The following BAZ2B variants were observed in gnomAD, a reference collection of about 807,000 sequenced individuals.
BAZ2B encodes the protein bromodomain adjacent to zinc finger domain protein 2B.
A neutral mutation model predicts 246.0 loss-of-function variants in BAZ2B; 91 were observed. The ratio of observed to expected loss-of-function variants is 0.37; its 90% CI spans 0.31 to 0.44. BAZ2B has a LOEUF of 0.44. BAZ2B is among the 20% of genes least tolerant of loss of function. The probability of loss-of-function intolerance (pLI) is 1.00; values close to 1 mark genes in which losing one functional copy is unlikely to be tolerated. For missense variants in BAZ2B, 2,332 were observed against 2,533.7 expected, an observed-to-expected ratio of 0.92 and a Z score of 1.71; for synonymous variants, 855 against 860.0, an observed-to-expected ratio of 0.99 and a Z score of 0.10.
intron 14 of BAZ2B, among the ~76,000 whole-genome samples, chr2:159,411,410 T>C (rs982125337): frequency 2.0e-5 from 3 of 152,224 alleles, no homozygotes; most frequent in Non-Finnish European, 4.4e-5. Flanking sequence ...TTACAATGAA[T>C]AGAATTAAGT....
intron 2 of BAZ2B, among the ~76,000 whole-genome samples, chr2:159,536,576 A>C (rs1410389359): frequency 1.3e-5 from 2 of 152,172 alleles, no homozygotes; most frequent in African/African-American, 4.8e-5. Flanking sequence ...GATGGTTCTG[A>C]ATTTTTTGCA....
chr2:159,667,597 AAAATAAATAAAT>A, the BAZ2B span, among the ~76,000 whole-genome samples: 315 of 142,438 alleles, frequency 2.2e-3, 2 homozygotes, highest in South Asian at 4.5e-3. Flanking sequence ...CTCTGTCTCA[AAAATAAATAAAT>A]AAATAAATAA....
At chr2:159,557,962 G>A (rs1168698635) in intron 1 of BAZ2B, among the ~76,000 whole-genome samples, 5 of 151,752 alleles carry the variant, frequency 3.3e-5, no homozygotes, top group African/African-American at 9.7e-5. Flanking sequence ...AGCGCGGGTA[G>A]TGAATTAAAG....
intron 36 of BAZ2B, among the ~76,000 whole-genome samples, chr2:159,322,462 T>C (rs936031921): frequency 3.3e-5 from 5 of 152,212 alleles, no homozygotes; most frequent in African/African-American, 9.6e-5. Flanking sequence ...TCTGTCTCTA[T>C]GGATTTATCT....
intron 4 of BAZ2B, among the ~76,000 whole-genome samples, chr2:159,448,730 C>T (rs897112532): frequency 2.0e-5 from 3 of 152,178 alleles, no homozygotes; most frequent in Admixed American, 1.3e-4. Context: ...TCTTTGATGA[C>T]TTATCCCATA....
At chr2:159,491,300 A>C (rs888565261) in intron 2 of BAZ2B, among the ~76,000 whole-genome samples, 3 of 152,198 alleles carry the variant, frequency 2.0e-5, no homozygotes, top group Non-Finnish European at 2.9e-5. Context: ...AGTAATGTGC[A>C]CTTCTGATGT....
chr2:159,645,972 A>G, the BAZ2B span, among the ~76,000 whole-genome samples: 1 of 152,116 alleles, frequency 6.6e-6, no homozygotes, highest in African/African-American at 2.4e-5. Flanking sequence ...TTGCTAATGA[A>G]GTTTCGGGCA....
chr2:159,320,123 T>G lies in BAZ2B; in HGVS notation c.*142A>C. On this transcript the variant is annotated 3_prime_UTR_variant, in exon 37 of 37. Coordinates refer to ENST00000392783, the MANE Select transcript of BAZ2B (RefSeq NM_013450.4). ...AATGAAGCCTTTAAAAATGGTATCATTCTTCTGATACTTTTTTTTTATACT... is the reference window on the plus strand; with the variant it reads ...AATGAAGCCTTTAAAAATGGTATCAGTCTTCTGATACTTTTTTTTTATACT... 1 of 758,642 alleles carries G rather than the reference T, an allele frequency of 1.3e-6. No homozygotes were observed. Among genetic ancestry groups the G allele is most frequent in the South Asian group, 3.8e-5 (1 of 26,062 alleles). 47.0% of individuals were successfully genotyped at this position (758,642 alleles called of 1,614,324 possible). A position where few individuals can be genotyped will look rare whatever the true frequency, so the allele number is the denominator to read the frequency against.
intron 1 of BAZ2B, among the ~76,000 whole-genome samples, chr2:159,592,995 T>C (rs1319771992): frequency 6.6e-6 from 1 of 152,166 alleles, no homozygotes; most frequent in Non-Finnish European, 1.5e-5. Context: ...ACTTAGCAAA[T>C]AAATGATGAA....
At chr2:159,317,298 G>A (rs955918711), downstream of BAZ2B, among the ~76,000 whole-genome samples, 1 of 152,156 alleles carries the variant, frequency 6.6e-6, no homozygotes, top group Admixed American at 6.5e-5. Context: ...GGAGCATGGA[G>A]GGGTACATTA....
chr2:159,408,339 A>T (rs1317002568), intron 14 of BAZ2B, among the ~76,000 whole-genome samples: 2 of 152,046 alleles, frequency 1.3e-5, no homozygotes, highest in African/African-American at 4.8e-5. Flanking sequence ...TACCCAGCTA[A>T]TTTTTTAAAA....
chr2:159,387,800 AG>A (rs2149561828), intron 21 of BAZ2B, among the ~76,000 whole-genome samples: 1 of 152,270 alleles, frequency 6.6e-6, no homozygotes, highest in South Asian at 2.1e-4. Context: ...AAGCTCACTT[AG>A]GATTTAAAAA....
At chr2:159,708,075 C>T in the BAZ2B span, among the ~76,000 whole-genome samples, 2 of 151,942 alleles carry the variant, frequency 1.3e-5, no homozygotes, top group South Asian at 4.2e-4. Context: ...CTTTGGGAGG[C>T]CGGGGAGGGA....
chr2:159,364,460 G>A (rs1559120063), intron 27 of BAZ2B, among the ~76,000 whole-genome samples: 2 of 152,050 alleles, frequency 1.3e-5, no homozygotes, highest in South Asian at 2.1e-4. Flanking sequence ...TGATGCGATC[G>A]TGGCTCACTG....
intron 2 of BAZ2B, among the ~76,000 whole-genome samples, chr2:159,500,260 T>C (rs2081568742): frequency 1.3e-5 from 2 of 152,334 alleles, no homozygotes; most frequent in South Asian, 4.1e-4. Context: ...CCCAGCACCC[T>C]CTGTTAAATA....
intron 27 of BAZ2B, among the ~76,000 whole-genome samples, chr2:159,368,674 C>A (rs1013732621): frequency 6.6e-5 from 10 of 152,078 alleles, no homozygotes; most frequent in African/African-American, 1.9e-4. Flanking sequence ...ATTTATATAT[C>A]ACTTTGCAGT....
upstream of BAZ2B, among the ~76,000 whole-genome samples, chr2:159,619,791 T>C (rs949800518): frequency 7.9e-5 from 12 of 152,094 alleles, no homozygotes; most frequent in Non-Finnish European, 1.6e-4. Context: ...TATCATACTT[T>C]ATCATTTCAG....
the BAZ2B span, chr2:159,712,022 G>C: frequency 2.0e-5 from 3 of 151,768 alleles, no homozygotes; most frequent in South Asian, 6.2e-4. Context: ...AAGCGGGGAG[G>C]GGTAGGTCGG....
intron 13 of BAZ2B, among the ~76,000 whole-genome samples, chr2:159,417,287 C>T (rs542751223): frequency 1.5e-4 from 22 of 151,624 alleles, no homozygotes; most frequent in Admixed American, 1.3e-3. Flanking sequence ...TCTCCTGCCT[C>T]AGCCTCCCAA....
Sources: allele counts gnomAD v4.1 joint callset (sites outside exome capture counted in the v4.1 genomes callset), GRCh38; gene constraint gnomAD v4.1.1; transcripts MANE v1.5; gene names NCBI Gene and HGNC (gene_info 2026-07-23, HGNC 2026-07-21).